Variants in GLDN observed in about 807,000 individuals in gnomAD.
GLDN encodes collomin.
A neutral mutation model predicts 56.5 loss-of-function variants in GLDN; 47 were observed. That is an observed-to-expected ratio of 0.83 (90% CI 0.66 to 1.06). The LOEUF (loss-of-function observed/expected upper bound fraction) is 1.06. Among genes scored for constraint, GLDN ranks in the 50% least tolerant of loss-of-function variants. The probability of loss-of-function intolerance (pLI) is 0.00; values close to 1 mark genes in which losing one functional copy is unlikely to be tolerated. For missense variants in GLDN, 782 were observed against 714.3 expected (o/e 1.09, Z -1.08); for synonymous variants, 332 against 278.8 (o/e 1.19, Z -1.90).
intron 1 of GLDN, among the ~76,000 whole-genome samples, chr15:51,369,985 G>A (rs916250321): frequency 6.6e-5 from 10 of 152,086 alleles, no homozygotes; most frequent in African/African-American, 2.4e-4. Flanking sequence ...GCATGGTGCC[G>A]CATGTCTGTA....
chr15:51,384,054 A>G (rs1190235498), intron 4 of GLDN, 162 bp downstream of exon 4: 3 of 695,072 alleles, frequency 4.3e-6, no homozygotes, highest in East Asian at 5.5e-5. Flanking sequence ...CGGGATACCA[A>G]GGGTATACTT....
chr15:51,383,142 C>T (rs1211218240), intron 2 of GLDN, among the ~76,000 whole-genome samples: 1 of 152,132 alleles, frequency 6.6e-6, no homozygotes, highest in Admixed American at 6.5e-5. Flanking sequence ...TGTTACTGGC[C>T]CTCCGTTTAT....
chr15:51,397,512 C>A lies in GLDN; in HGVS notation c.731C>A (p.Pro244Gln). 6.3e-7 allele frequency: 1 copy of A among 1,592,268 alleles called. No individual in the cohort carries two copies. The highest frequency in any genetic ancestry group is 8.6e-7 in the Non-Finnish European group (1 of 1,168,092). ...DQGPPGPPGPPGPPGPPGPPG... is the reference protein window; with the variant it reads ...DQGPPGPPGPQGPPGPPGPPG... ...GGCCCACCCGGTCCACCTGGGCCCC[C>A]AGGCCCTCCAGGTCCTCCAGGGCCC... The change falls in exon 6 of 10, where the codon CCA becomes CAA. Residue 244 changes from proline to glutamine, a missense_variant. Pro to Gln is a moderately conservative substitution (Grantham distance 76). Coordinates refer to ENST00000335449, the MANE Select transcript of GLDN (RefSeq NM_181789.4).
intron 1 of GLDN, among the ~76,000 whole-genome samples, chr15:51,364,993 C>T (rs1200909173): frequency 1.3e-5 from 2 of 152,134 alleles, no homozygotes; most frequent in Non-Finnish European, 2.9e-5. Flanking sequence ...AATAAGAATT[C>T]AAAGCACAAA....
chr15:51,397,483 C>T lies in GLDN; in HGVS notation c.702C>T (p.Asp234=). 6.5e-7 allele frequency: 1 copy of T among 1,539,006 alleles called. No individual in the cohort carries two copies. The highest frequency in any genetic ancestry group is 8.8e-7 in the Non-Finnish European group (1 of 1,140,934). The change falls in exon 6 of 10, where the codon GAC becomes GAT. Residue 234 remains aspartate (D), a synonymous_variant. Transcript: ENST00000335449. ...NDVLLAGAKG[D]QGPPGPPGPP... ...CTCTCTCTCCAGGTGCCAAAGGTGA[C>T]CAAGGCCCACCCGGTCCACCTGGGC...
At chr15:51,354,395 T>C (rs901068634) in intron 1 of GLDN, among the ~76,000 whole-genome samples, 1 of 152,138 alleles carries the variant, frequency 6.6e-6, no homozygotes, top group Non-Finnish European at 1.5e-5. Flanking sequence ...TAAGCCACAT[T>C]TGGGGACCTT....
chr15:51,410,944 G>T (rs1455995413), downstream of GLDN, among the ~76,000 whole-genome samples: 1 of 152,144 alleles, frequency 6.6e-6, no homozygotes, highest in East Asian at 1.9e-4. Flanking sequence ...GTTGGTAATA[G>T]ATAAAGCACA....
chr15:51,401,067 C>T (rs1465350260), intron 8 of GLDN, among the ~76,000 whole-genome samples: 1 of 152,218 alleles, frequency 6.6e-6, no homozygotes, highest in Admixed American at 6.5e-5. Flanking sequence ...TGGCCATAAT[C>T]ACTGGTTGGA....
At chr15:51,355,504 C>A (rs1396793657) in intron 1 of GLDN, among the ~76,000 whole-genome samples, 1 of 148,442 alleles carries the variant, frequency 6.7e-6, no homozygotes, top group African/African-American at 2.5e-5. Flanking sequence ...TTACTGCATG[C>A]TTTTTTCTTT....
Position 51,341,777 on chromosome 15 carries a change from T to A in GLDN, c.93T>A (p.Ala31=), listed in dbSNP as rs1444368199. 1 of 1,498,270 alleles carries A rather than the reference T, an allele frequency of 6.7e-7. No homozygotes were observed. The highest frequency in any genetic ancestry group is 8.8e-7 in the Non-Finnish European group (1 of 1,133,454). The allele number at this position is 1,498,270 out of a possible 1,614,324, so 92.8% of individuals were successfully genotyped here. A position where few individuals can be genotyped will look rare whatever the true frequency, so the allele number is the denominator to read the frequency against. The change falls in exon 1 of 10, where the codon GCT becomes GCA. Residue 31 remains alanine (A), a synonymous_variant. Transcript: ENST00000335449. The stretch of plus-strand genomic sequence containing the variant: ...TGGCGCTGCTCTCGGCGCTCAACGC[T>A]GCGGGCACGGTGTTCGCGCTGTGCC... The part of the protein sequence containing the change: ...AAVALLSALN[A]AGTVFALCQW...
chr15:51,386,196 C>G (rs899359129), intron 4 of GLDN, among the ~76,000 whole-genome samples: 2 of 152,102 alleles, frequency 1.3e-5, no homozygotes, highest in East Asian at 1.9e-4. Flanking sequence ...AGCATTAGAC[C>G]GCGAAGCCTC....
chr15:51,403,355 C>T (rs1042566105), intron 9 of GLDN, among the ~76,000 whole-genome samples: 5 of 152,174 alleles, frequency 3.3e-5, no homozygotes, highest in African/African-American at 1.2e-4. Context: ...CCAAGCCTCA[C>T]TATTCTCTAG....
chr15:51,341,794 C>A lies in GLDN; in HGVS notation c.110C>A (p.Ala37Glu). Reference sequence around the variant, plus strand: ...CTCAACGCTGCGGGCACGGTGTTCGCGCTGTGCCAGTGGCGCGGGCTGAGC... The same window carrying A: ...CTCAACGCTGCGGGCACGGTGTTCGAGCTGTGCCAGTGGCGCGGGCTGAGC... Reference protein sequence around the residue: ...SALNAAGTVFALCQWRGLSSA... With the variant: ...SALNAAGTVFELCQWRGLSSA... Residue 37 changes from alanine to glutamate, a missense_variant, in exon 1 of 10, where the codon GCG becomes GAG. By Grantham distance (107) the Ala-to-Glu change is moderately radical. Coordinates refer to ENST00000335449, the MANE Select transcript of GLDN (RefSeq NM_181789.4). 6.6e-7 allele frequency: 1 copy of A among 1,511,240 alleles called. No individual in the cohort carries two copies. Among genetic ancestry groups the A allele is most frequent in the Non-Finnish European group, 8.8e-7 (1 of 1,138,716 alleles). The allele number at this position is 1,511,240 out of a possible 1,614,324, so 93.6% of individuals were successfully genotyped here. A position where few individuals can be genotyped will look rare whatever the true frequency, so the allele number is the denominator to read the frequency against.
intron 2 of GLDN, 30 bp downstream of exon 2, chr15:51,377,530 CACA>C (rs766916658): frequency 2.5e-6 from 4 of 1,600,652 alleles, no homozygotes; most frequent in African/African-American, 1.3e-5. Context: ...GAGCCGCTCA[CACA>C]ACAAGGACTT....
Position 51,362,808 on chromosome 15 carries a change from T to C in GLDN, c.364-14641T>C, listed in dbSNP as rs144319084. 2.5e-3 allele frequency among the ~76,000 whole-genome samples: 381 copies of C among 152,274 alleles called. 1 individual carries two copies. Among genetic ancestry groups the C allele is most frequent in the African/African-American group, 8.7e-3 (360 of 41,558 alleles). ...CAATAATCCAGGTGAAAGATGATAG[T>C]GGCTTAGACCAAGTGAAAGCAGTGG... On this transcript the variant is annotated intron_variant, in intron 1 of 9. Transcript: ENST00000335449.
chr15:51,400,382 T>G lies in GLDN; in HGVS notation c.911T>G (p.Ile304Ser). ...EHHSPQAESM[I>S]TSIGNPVQVL... ...TCTCTTCTTTTGGCAGAATCCATGA[T>G]CACTTCCATTGGAAACCCAGTGCAA... The change falls in exon 8 of 10, where the codon ATC becomes AGC. Residue 304 changes from isoleucine (I) to serine (S), a missense_variant. Ile to Ser is a moderately radical substitution (Grantham distance 142). Transcript: ENST00000335449. 1 of 1,614,178 alleles carries G rather than the reference T, an allele frequency of 6.2e-7. No homozygotes were observed. Among genetic ancestry groups the G allele is most frequent in the South Asian group, 1.1e-5 (1 of 91,072 alleles).
chr15:51,374,978 C>T lies in GLDN; in HGVS notation c.364-2471C>T, dbSNP rs115159446. Among the ~76,000 whole-genome samples the T allele has an allele frequency of 4.0e-3, 606 of 152,254 alleles. 6 individuals are homozygous for T. The highest frequency in any genetic ancestry group is 0.014 in the African/African-American group (590 of 41,558). ...GTTGGGCTGAAATCAATCTTCCCAC[C>T]TTGGCCTACCAAAGCACTGGGATTA... On this transcript the variant is annotated intron_variant, in intron 1 of 9. Transcript: ENST00000335449.
At chr15:51,365,742 C>A (rs1566939513) in intron 1 of GLDN, among the ~76,000 whole-genome samples, 1 of 152,166 alleles carries the variant, frequency 6.6e-6, no homozygotes, top group Non-Finnish European at 1.5e-5. Flanking sequence ...GGACGTTTTT[C>A]ATTTTCATGC....
chr15:51,386,385 A>G (rs1045120008), intron 4 of GLDN, among the ~76,000 whole-genome samples: 9 of 152,246 alleles, frequency 5.9e-5, no homozygotes, highest in East Asian at 1.9e-4. Flanking sequence ...TCCTGTTCAC[A>G]CTGCTGAGGC....
Sources: allele counts gnomAD v4.1 joint callset (sites outside exome capture counted in the v4.1 genomes callset), GRCh38; gene constraint gnomAD v4.1.1; transcripts MANE v1.5; gene names NCBI Gene and HGNC (gene_info 2026-07-23, HGNC 2026-07-21).